The following ADAM2 variants were observed in gnomAD, a reference collection of about 807,000 sequenced individuals.
The protein encoded by ADAM2 is ADAM metallopeptidase domain 2.
ADAM2 carries 101 observed loss-of-function variants against 99.3 expected under a neutral mutation model. That is an observed-to-expected ratio of 1.02 (90% CI 0.87 to 1.20). The LOEUF (loss-of-function observed/expected upper bound fraction) is 1.20. Among genes scored for constraint, ADAM2 ranks in the 50% most tolerant of loss-of-function variants. The probability of loss-of-function intolerance (pLI) is 0.00; values close to 1 mark genes in which losing one functional copy is unlikely to be tolerated. For synonymous variants in ADAM2, 323 were observed against 287.6 expected (o/e 1.12, Z -1.25); for missense variants, 948 against 878.7 (o/e 1.08, Z -1.00).
chr8:39,749,506 C>G (rs1823623177), intron 17 of ADAM2, 56 bp from the exon 18 acceptor site: 3 of 1,556,676 alleles, frequency 1.9e-6, no homozygotes, highest in Admixed American at 3.5e-5. Flanking sequence ...TATATATGTT[C>G]AAGTAGAATT....
chr8:39,788,171 T>C lies in ADAM2; in HGVS notation c.723A>G (p.Gly241=). ...ATGTGTGTAATAACTCATTAGCTTCTCCAGTGGTTGCAATTTTATTTTCAT... is the reference window on the plus strand; with the variant it reads ...ATGTGTGTAATAACTCATTAGCTTCCCCAGTGGTTGCAATTTTATTTTCAT... ...WIDENKIATT[G]EANELLHTFL... is the part of the protein sequence containing the mutation. The change falls in exon 9 of 21, where the codon GGA becomes GGG. Residue 241 remains glycine (G), a synonymous_variant. Coordinates refer to ENST00000265708, the MANE Select transcript of ADAM2 (RefSeq NM_001464.5). 1 of 1,589,916 alleles carries C rather than the reference T, an allele frequency of 6.3e-7. No individual in the cohort carries two copies.
chr8:39,814,751 T>C (rs546441485), intron 6 of ADAM2, among the ~76,000 whole-genome samples: 3 of 152,004 alleles, frequency 2.0e-5, no homozygotes, highest in Admixed American at 1.3e-4. Context: ...ATGTCCTGTA[T>C]TGAATTATCA....
intron 2 of ADAM2, among the ~76,000 whole-genome samples, chr8:39,836,185 T>C (rs1234967165): frequency 6.6e-6 from 1 of 152,114 alleles, no homozygotes; most frequent in East Asian, 1.9e-4. Flanking sequence ...TCCTCATGAA[T>C]TTGACAGTTG....
In ADAM2 at chr8:39,821,580, T is replaced by G. The variant is rs917436849; in HGVS notation, c.344+6A>C. 6.4e-7 allele frequency: 1 copy of G among 1,571,536 alleles called. No individual in the cohort carries two copies. The highest frequency in any genetic ancestry group is 1.4e-5 in the African/African-American group (1 of 73,922). ...TTTTGTAATTCATAAAACAGTAAAT[T>G]ACAACCTGAGTCCAGTACATGTGCT... On this transcript the variant is annotated splice_donor_region_variant and intron_variant, in intron 5 of 20. Transcript: ENST00000265708.
chr8:39,837,032 TA>T, intron 2 of ADAM2, 103 bp downstream of exon 2: 1 of 802,014 alleles, frequency 1.2e-6, no homozygotes, highest in Non-Finnish European at 1.9e-6. Context: ...GGTATAAATA[TA>T]AAATTCAACA....
intron 5 of ADAM2, 75 bp from the exon 6 acceptor site, chr8:39,821,245 A>AT (rs1440453919): frequency 2.0e-5 from 20 of 1,021,844 alleles, no homozygotes; most frequent in Admixed American, 2.8e-5. Flanking sequence ...ACTTAGCATT[A>AT]TTTTTTCATG....
intron 7 of ADAM2, among the ~76,000 whole-genome samples, chr8:39,790,989 T>C (rs1177068950): frequency 1.3e-5 from 2 of 151,824 alleles, no homozygotes; most frequent in African/African-American, 4.8e-5. Context: ...GAAAATCCCA[T>C]GCATCTAAAC....
intron 14 of ADAM2, among the ~76,000 whole-genome samples, chr8:39,764,499 T>C (rs1217661915): frequency 2.0e-5 from 3 of 152,154 alleles, no homozygotes. Context: ...CATGACCAAA[T>C]CAGAGCCTTT....
At chr8:39,770,355 G>A (rs938853701) in intron 11 of ADAM2, among the ~76,000 whole-genome samples, 14 of 152,048 alleles carry the variant, frequency 9.2e-5, no homozygotes, top group African/African-American at 3.4e-4. Flanking sequence ...TGTTTCTCTG[G>A]CGTTATCACC....
chr8:39,787,027 C>T lies in ADAM2; in HGVS notation c.838G>A (p.Ala280Thr). The change falls in exon 10 of 21, where the codon GCA becomes ACA. Residue 280 changes from alanine to threonine, a missense_variant. Ala to Thr is a moderately conservative substitution (Grantham distance 58). Coordinates refer to ENST00000265708, the MANE Select transcript of ADAM2 (RefSeq NM_001464.5). ...TCACACATCTTCCCTTGAAAGGTTG[C>T]ACCAACATAATTTGACTTTTCTCTG... is the stretch of plus-strand genomic sequence containing the variant. Reference protein sequence around the residue: ...VYREKSNYVGATFQGKMCDAN... With the variant: ...VYREKSNYVGTTFQGKMCDAN... 1.3e-6 allele frequency: 2 copies of T among 1,590,440 alleles called. No individual in the cohort carries two copies. Among genetic ancestry groups the T allele is most frequent in the Non-Finnish European group, 1.7e-6 (2 of 1,167,884 alleles).
rs1340852199 is a variant in ADAM2, at chr8:39,766,883, C to T, written c.1472G>A (p.Ser491Asn). The stretch of plus-strand genomic sequence containing the variant: ...TGTGTCTGTACATTGTTTATCCCCA[C>T]TCATACAAACTCCATCTATACAGAT... ...QWICIDGVCM[S>N]GDKQCTDTFG... The change falls in exon 14 of 21, where the codon AGT becomes AAT. Residue 491 changes from serine (S) to asparagine (N), a missense_variant. Transcript: ENST00000265708. The T allele has an allele frequency of 5.0e-6, 8 of 1,610,842 alleles. No individual in the cohort carries two copies. Among genetic ancestry groups the T allele is most frequent in the East Asian group, 4.5e-5 (2 of 44,778 alleles).
intron 16 of ADAM2, among the ~76,000 whole-genome samples, chr8:39,752,223 T>A (rs1405226433): frequency 6.6e-6 from 1 of 152,146 alleles, no homozygotes; most frequent in Non-Finnish European, 1.5e-5. Flanking sequence ...CCTACAACAG[T>A]GGCAGAATTA....
At chr8:39,745,983 G>T (rs2129582535) in intron 19 of ADAM2, among the ~76,000 whole-genome samples, 1 of 148,632 alleles carries the variant, frequency 6.7e-6, no homozygotes, top group Non-Finnish European at 1.5e-5. Flanking sequence ...ATATATGCAT[G>T]TGTATGTGTG....
chr8:39,829,885 A>G (rs1002918496), intron 3 of ADAM2, among the ~76,000 whole-genome samples: 2 of 152,094 alleles, frequency 1.3e-5, no homozygotes, highest in African/African-American at 2.4e-5. Context: ...AATCATCATA[A>G]TTCATTTATT....
At chr8:39,802,246 G>A (rs1804247631) in intron 7 of ADAM2, among the ~76,000 whole-genome samples, 1 of 152,154 alleles carries the variant, frequency 6.6e-6, no homozygotes, top group Non-Finnish European at 1.5e-5. Flanking sequence ...TCCCCGTGCG[G>A]CTCTCAGGTG....
At chr8:39,803,261 C>G (rs1022169303) in intron 7 of ADAM2, among the ~76,000 whole-genome samples, 3 of 152,056 alleles carry the variant, frequency 2.0e-5, no homozygotes, top group Non-Finnish European at 4.4e-5. Flanking sequence ...ACATGGCAGG[C>G]CTAAAATGAG....
intron 20 of ADAM2, 87 bp downstream of exon 20, chr8:39,744,743 T>A (rs187467931): frequency 4.5e-5 from 37 of 823,086 alleles, no homozygotes; most frequent in Non-Finnish European, 3.8e-6. Flanking sequence ...ATGGCACATG[T>A]ATACCTATGT....
Position 39,787,058 on chromosome 8 carries a change from T to G in ADAM2, c.810-3A>C. 6.3e-7 allele frequency: 1 copy of G among 1,583,342 alleles called. No individual in the cohort carries two copies. ...CATAATTTGACTTTTCTCTGTAACT[T>G]AAGTTTAAAAAGGGATCATAATCAT... is the stretch of plus-strand genomic sequence containing the variant. On this transcript the variant is annotated splice_region_variant and splice_polypyrimidine_tract_variant and intron_variant, in intron 9 of 20. Transcript: ENST00000265708.
At chr8:39,757,584 G>C (rs1320759669) in intron 15 of ADAM2, among the ~76,000 whole-genome samples, 1 of 152,066 alleles carries the variant, frequency 6.6e-6, no homozygotes, top group Non-Finnish European at 1.5e-5. Flanking sequence ...GATGACTACT[G>C]AACTAATTAA....
Sources: gnomAD v4.1 joint callset for allele counts (sites outside exome capture counted in the v4.1 genomes callset) on GRCh38, gnomAD v4.1.1 for gene constraint, MANE v1.5 for transcripts, NCBI Gene and HGNC (gene_info 2026-07-23, HGNC 2026-07-21) for gene names.